The following BFAR variants were observed in gnomAD, a reference collection of about 807,000 sequenced individuals.
BFAR encodes the protein RING finger protein 47.
Under a neutral mutation model 54.4 loss-of-function variants are expected in BFAR, and 52 were observed. The ratio of observed to expected loss-of-function variants is 0.96; its 90% confidence interval spans 0.77 to 1.21. The LOEUF (loss-of-function observed/expected upper bound fraction) is 1.21. BFAR is among the 50% of genes most tolerant of loss of function. BFAR has a pLI of 0.00. For synonymous variants in BFAR, 215 were observed against 204.3 expected (o/e 1.05, Z -0.45); for missense variants, 571 against 534.0 (o/e 1.07, Z -0.68).
chr16:14,639,262 A>G (rs1478549688), intron 1 of BFAR, among the ~76,000 whole-genome samples: 1 of 151,910 alleles, frequency 6.6e-6, no homozygotes, highest in Non-Finnish European at 1.5e-5. Flanking sequence ...CCCAAAGTCC[A>G]GGGAAGAATA....
intron 1 of BFAR, among the ~76,000 whole-genome samples, chr16:14,636,832 G>A (rs1959460796): frequency 6.6e-6 from 1 of 152,212 alleles, no homozygotes; most frequent in Non-Finnish European, 1.5e-5. Context: ...GCGTCCCTGG[G>A]TACTTGAGAT....
intron 1 of BFAR, among the ~76,000 whole-genome samples, chr16:14,644,045 C>A (rs1959707999): frequency 6.6e-6 from 1 of 151,642 alleles, no homozygotes; most frequent in Admixed American, 6.6e-5. Flanking sequence ...CACCTGTAGT[C>A]CCAGCTACTG....
intron 1 of BFAR, among the ~76,000 whole-genome samples, chr16:14,633,771 G>A (rs1330243499): frequency 2.0e-5 from 3 of 152,194 alleles, no homozygotes; most frequent in Non-Finnish European, 2.9e-5. Context: ...TCTTGCCTCA[G>A]CCTTCTGAGT....
chr16:14,659,349 C>T (rs796842531), intron 5 of BFAR, among the ~76,000 whole-genome samples: 6 of 151,646 alleles, frequency 4.0e-5, no homozygotes, highest in Admixed American at 2.0e-4. Flanking sequence ...TCAAGCGATT[C>T]TCCTGCCTCA....
chr16:14,647,690 AAAC>A (rs1959841910), intron 2 of BFAR, among the ~76,000 whole-genome samples: 2 of 151,400 alleles, frequency 1.3e-5, no homozygotes, highest in Non-Finnish European at 3.0e-5. Context: ...AAAAAAAAAA[AAAC>A]AAGTGCCAAT....
chr16:14,647,947 A>C (rs1184100520), intron 2 of BFAR, among the ~76,000 whole-genome samples: 1 of 151,844 alleles, frequency 6.6e-6, no homozygotes, highest in African/African-American at 2.4e-5. Flanking sequence ...TTACCATTGA[A>C]AGTAATGGTA....
At chr16:14,640,244 A>G (rs1238162834) in intron 1 of BFAR, among the ~76,000 whole-genome samples, 1 of 152,030 alleles carries the variant, frequency 6.6e-6, no homozygotes, top group African/African-American at 2.4e-5. Flanking sequence ...GCTGCCTAGA[A>G]ACAACCATAT....
chr16:14,661,029 C>T (rs1426046579), intron 5 of BFAR, among the ~76,000 whole-genome samples: 2 of 152,152 alleles, frequency 1.3e-5, no homozygotes, highest in Admixed American at 6.5e-5. Context: ...CACGCTTACC[C>T]TGAATAATCT....
At chr16:14,637,939 T>C (rs1959504669) in intron 1 of BFAR, among the ~76,000 whole-genome samples, 1 of 151,980 alleles carries the variant, frequency 6.6e-6, no homozygotes. Context: ...TTTTTTTCAG[T>C]TTGTACCCTG....
chr16:14,640,206 C>T (rs1959579086), intron 1 of BFAR, among the ~76,000 whole-genome samples: 1 of 150,496 alleles, frequency 6.6e-6, no homozygotes, highest in African/African-American at 2.4e-5. Context: ...GCTGACAGAA[C>T]TCCAAAAGCT....
At position 14,664,942 on chromosome 16, in the gene BFAR, T is replaced by TA; in HGVS notation, c.1031_1032insA (p.Ala345CysfsTer2). The TA allele has an allele frequency of 6.2e-7, 1 of 1,613,848 alleles. No homozygotes were observed. Among genetic ancestry groups the TA allele is most frequent in the Non-Finnish European group, 8.5e-7 (1 of 1,179,706 alleles). ...TACTCCTTCCTTCCATACCAGCTGA[T>TA]TGCTGAGTTTGCTTGGGACTGGTTG... is the stretch of plus-strand genomic sequence containing the variant. On this transcript the variant is annotated frameshift_variant, in exon 7 of 8. Coordinates refer to ENST00000261658, the MANE Select transcript of BFAR (RefSeq NM_016561.3). LOFTEE classifies it high-confidence loss of function.
chr16:14,637,087 C>A (rs2151834298), intron 1 of BFAR, among the ~76,000 whole-genome samples: 1 of 152,210 alleles, frequency 6.6e-6, no homozygotes, highest in East Asian at 1.9e-4. Flanking sequence ...ACAATCTGAT[C>A]TCTCTTTCTT....
intron 4 of BFAR, among the ~76,000 whole-genome samples, chr16:14,653,730 CAG>C (rs1237167750): frequency 6.6e-6 from 1 of 152,150 alleles, no homozygotes; most frequent in Non-Finnish European, 1.5e-5. Flanking sequence ...CTTCAAGAGA[CAG>C]AGTCTCTTTC....
At chr16:14,647,997 T>G (rs544860794) in intron 2 of BFAR, among the ~76,000 whole-genome samples, 2 of 152,286 alleles carry the variant, frequency 1.3e-5, no homozygotes, top group African/African-American at 2.4e-5. Context: ...CTTAGCACTT[T>G]GGGAGGCCCC....
At chr16:14,637,847 A>T (rs1045672311) in intron 1 of BFAR, among the ~76,000 whole-genome samples, 5 of 148,304 alleles carry the variant, frequency 3.4e-5, no homozygotes, top group Non-Finnish European at 7.5e-5. Context: ...AAAAAAAGTC[A>T]TTTTTTTTTC....
chr16:14,641,377 A>C (rs937463462), intron 1 of BFAR, among the ~76,000 whole-genome samples: 1 of 152,172 alleles, frequency 6.6e-6, no homozygotes, highest in Non-Finnish European at 1.5e-5. Context: ...AACTGTAAAC[A>C]TCCTTAGGAG....
At chr16:14,657,971 T>C (rs1320153695) in intron 5 of BFAR, among the ~76,000 whole-genome samples, 2 of 152,180 alleles carry the variant, frequency 1.3e-5, no homozygotes, top group Admixed American at 6.5e-5. Context: ...TCCTCCCACC[T>C]CAACCTCCCA....
rs1343356027 is a variant in BFAR, at chr16:14,669,024, T to G, written c.*1197T>G. 1.8e-5 allele frequency: 8 copies of G among 453,168 alleles called. No homozygotes were observed. The highest frequency in any genetic ancestry group is 1.2e-4 in the African/African-American group (6 of 49,970). 28.1% of individuals were successfully genotyped at this position (453,168 alleles called of 1,614,324 possible). A position where few individuals can be genotyped will look rare whatever the true frequency, so the allele number is the denominator to read the frequency against. On this transcript the variant is annotated 3_prime_UTR_variant, in exon 8 of 8. Transcript: ENST00000261658. ...ATGAAGTGAACTATGGCCTTTTATT[T>G]CCTTCCAGTGTGAACACAGCAGGTG...
intron 4 of BFAR, among the ~76,000 whole-genome samples, chr16:14,653,774 C>G (rs1379637673): frequency 6.6e-6 from 1 of 152,066 alleles, no homozygotes. Flanking sequence ...GTAGCAGTAT[C>G]ATAGCTCACT....
Sources: allele counts gnomAD v4.1 joint callset (sites outside exome capture counted in the v4.1 genomes callset), GRCh38; gene constraint gnomAD v4.1.1; transcripts MANE v1.5; gene names NCBI Gene and HGNC (gene_info 2026-07-23, HGNC 2026-07-21).